The following ARHGEF17 variants were observed in gnomAD, a reference collection of about 807,000 sequenced individuals.
ARHGEF17 encodes the protein 164 kDa Rho-specific guanine-nucleotide exchange factor.
Under a neutral mutation model 174.0 loss-of-function variants are expected in ARHGEF17, and 80 were observed. That is an observed-to-expected ratio of 0.46 (90% CI 0.38 to 0.55). The LOEUF (loss-of-function observed/expected upper bound fraction) is 0.55. Among genes scored for constraint, ARHGEF17 ranks in the 20% least tolerant of loss-of-function variants. The pLI is 0.00. For synonymous variants in ARHGEF17, 1,311 were observed against 1,189.1 expected, an observed-to-expected ratio of 1.10 and a Z score of -2.11; for missense variants, 2,886 against 2,839.7, an observed-to-expected ratio of 1.02 and a Z score of -0.37.
chr11:73,358,903 A>G (rs1227086987), intron 9 of ARHGEF17, among the ~76,000 whole-genome samples: 1 of 151,520 alleles, frequency 6.6e-6, no homozygotes, highest in African/African-American at 2.4e-5. Context: ...CCGGGCACAC[A>G]CTCTTCTTCC....
Position 73,367,502 on chromosome 11 carries a change from GGGGTGT to G in ARHGEF17, c.5996-78_5996-73del, listed in dbSNP as rs1865859712. The G allele has an allele frequency of 3.3e-6, 4 of 1,210,696 alleles. No individual in the cohort carries two copies. In the East Asian group the frequency reaches 7.0e-5, roughly 21 times the overall value. 75.0% of individuals were successfully genotyped at this position (1,210,696 alleles called of 1,614,324 possible). A position where few individuals can be genotyped will look rare whatever the true frequency, so the allele number is the denominator to read the frequency against. On this transcript the variant is annotated intron_variant, in intron 20 of 20. Coordinates refer to ENST00000263674, the MANE Select transcript of ARHGEF17 (RefSeq NM_014786.4). The stretch of plus-strand genomic sequence containing the variant: ...GTGCACATCTTCCTTCCTATCTTCT[GGGGTGT>G]GGGAATTCAGGCCCCGATGGGACAG...
chr11:73,349,338 G>A (rs1865515228), intron 2 of ARHGEF17, among the ~76,000 whole-genome samples: 1 of 152,210 alleles, frequency 6.6e-6, no homozygotes, highest in Non-Finnish European at 1.5e-5. Context: ...AGGTGAGCCA[G>A]GCGCGGAGGC....
At chr11:73,343,521 G>A (rs1865410302) in intron 1 of ARHGEF17, among the ~76,000 whole-genome samples, 1 of 152,174 alleles carries the variant, frequency 6.6e-6, no homozygotes, top group Non-Finnish European at 1.5e-5. Flanking sequence ...AGAAGCTGAG[G>A]CTGTCGCCAG....
chr11:73,343,030 C>G (rs959553240), intron 1 of ARHGEF17: 1 of 270,862 alleles, frequency 3.7e-6, no homozygotes, highest in African/African-American at 2.3e-5. Flanking sequence ...CCGCCGCGGC[C>G]GGGCTGAGCC....
Position 73,365,575 on chromosome 11 carries a change from C to G in ARHGEF17, c.5725+11C>G, listed in dbSNP as rs377296542. On this transcript the variant is annotated intron_variant, in intron 19 of 20. Transcript: ENST00000263674. This position sits in a 1 kb window ranked among gnomAD's most constrained non-coding sequence, Gnocchi z 4.9. ...ACAGGATGCTGGCAGGTACTGACCT[C>G]AAACTACCACAGCACCCTCCTTGGA... 1.2e-6 allele frequency: 2 copies of G among 1,613,688 alleles called. No individual in the cohort carries two copies. Among genetic ancestry groups the G allele is most frequent in the Non-Finnish European group, 1.7e-6 (2 of 1,179,660 alleles).
chr11:73,325,698 G>C (rs1565192102), intron 1 of ARHGEF17, among the ~76,000 whole-genome samples: 1 of 152,252 alleles, frequency 6.6e-6, no homozygotes. Flanking sequence ...GGAGTAGATT[G>C]GGGCAGCCAG....
rs200871068 is a variant in ARHGEF17 at position 73,311,728 on chromosome 11, G to A, written c.3090G>A (p.Leu1030=). 5 of 1,613,130 alleles carry A rather than the reference G, an allele frequency of 3.1e-6. No individual in the cohort carries two copies. In the African/African-American group the frequency reaches 6.7e-5, roughly 22 times the overall value. Residue 1030 remains leucine, a synonymous_variant, in exon 1 of 21, where the codon TTG becomes TTA. Transcript: ENST00000263674. ...CAGTGCCAGTGGACATGCCCTGCTT[G>A]CCTCTGGCTGCACCGCCCTCTGCTG... ...PAPVPVDMPC[L]PLAAPPSAEA...
chr11:73,365,799 G>A lies in ARHGEF17; in HGVS notation c.5847G>A (p.Ser1949=), dbSNP rs751926590. The part of the protein sequence containing the change: ...SAGVVLTMPT[S]PGTVSCPRAP... ...GTGTCGTCCTCACCATGCCCACTTC[G>A]CCCGGTACTGTCAGCTGCCCACGGG... Residue 1949 remains serine (S), a synonymous_variant, in exon 20 of 21, where the codon TCG becomes TCA. Transcript: ENST00000263674. The surrounding 1 kb of genome is among the most constrained non-coding windows in gnomAD (Gnocchi z 4.9). 36 of 1,613,496 alleles carry A rather than the reference G, an allele frequency of 2.2e-5. No individual in the cohort carries two copies. Among genetic ancestry groups the A allele is most frequent in the Middle Eastern group, 3.3e-4 (2 of 6,046 alleles).
chr11:73,353,010 T>C lies in ARHGEF17; in HGVS notation c.3451T>C (p.Ser1151Pro), dbSNP rs1271751101. ...QQKVGALLVQ[S>P]FSKDVLVNIY... The stretch of plus-strand genomic sequence containing the variant: ...GAAGGTGGGAGCCCTGCTCGTCCAG[T>C]CGGTGAGTGGCCCCGCTGCTGCCAA... The change falls in exon 3 of 21, where the codon TCG becomes CCG. Residue 1151 changes from serine (S) to proline (P), a missense_variant and splice_region_variant. Physicochemically the swap from Ser to Pro is moderately conservative, Grantham distance 74 (BLOSUM62 -1). Coordinates refer to ENST00000263674, the MANE Select transcript of ARHGEF17 (RefSeq NM_014786.4). 1.2e-6 allele frequency: 2 copies of C among 1,613,450 alleles called. No homozygotes were observed. The highest frequency in any genetic ancestry group is 8.5e-7 in the Non-Finnish European group (1 of 1,179,806).
intron 1 of ARHGEF17, among the ~76,000 whole-genome samples, chr11:73,329,908 C>A (rs1325600558): frequency 6.6e-6 from 1 of 152,180 alleles, no homozygotes; most frequent in Non-Finnish European, 1.5e-5. Context: ...GGTCTGCCAT[C>A]AGCAGTAGGT....
At chr11:73,312,730 G>A (rs1464831910) in intron 1 of ARHGEF17, among the ~76,000 whole-genome samples, 1 of 151,948 alleles carries the variant, frequency 6.6e-6, no homozygotes, top group Non-Finnish European at 1.5e-5. Context: ...ATGGGTCTGG[G>A]GGGTCGGTTC....
intron 1 of ARHGEF17, among the ~76,000 whole-genome samples, chr11:73,327,517 T>A (rs563259703): frequency 2.0e-5 from 3 of 152,346 alleles, no homozygotes; most frequent in African/African-American, 7.2e-5. Flanking sequence ...CCCCGCTTAG[T>A]AGACCAGCCT....
rs1865789267 is a variant in ARHGEF17, at chr11:73,363,758, A to G, written c.5258A>G (p.Tyr1753Cys). Reference sequence around the variant, plus strand: ...ACCCCGATCCACAGTGTCCACGTGTACCAGTCCTCCGACAGCATCCGTGAC... The same window carrying G: ...ACCCCGATCCACAGTGTCCACGTGTGCCAGTCCTCCGACAGCATCCGTGAC... ...LGTEDGCVHV[Y>C]QSSDSIRDRR... Residue 1753 changes from tyrosine (Y) to cysteine (C), a missense_variant, in exon 16 of 21, where the codon TAC (tyrosine) becomes TGC (cysteine). By Grantham distance (194) the Tyr-to-Cys change is radical. Around this residue, in one of 4 missense-constraint regions of ARHGEF17, gnomAD observed 329 missense variants for 435.2 expected, o/e 0.76. Coordinates refer to ENST00000263674, the MANE Select transcript of ARHGEF17 (RefSeq NM_014786.4). 6.2e-7 allele frequency: 1 copy of G among 1,614,028 alleles called. No homozygotes were observed. Among genetic ancestry groups the G allele is most frequent in the Non-Finnish European group, 8.5e-7 (1 of 1,180,008 alleles).
intron 1 of ARHGEF17, among the ~76,000 whole-genome samples, chr11:73,321,956 G>T (rs545169196): frequency 2.6e-5 from 4 of 152,254 alleles, no homozygotes; most frequent in African/African-American, 4.8e-5. Flanking sequence ...CCCTGCTCCC[G>T]CACAGCGCTG....
intron 1 of ARHGEF17, among the ~76,000 whole-genome samples, chr11:73,344,809 G>T (rs1419847916): frequency 6.6e-6 from 1 of 152,234 alleles, no homozygotes; most frequent in Non-Finnish European, 1.5e-5. Context: ...GGGACCTGTG[G>T]CCCGTGGCTG....
At chr11:73,326,983 C>T (rs139371364) in intron 1 of ARHGEF17, among the ~76,000 whole-genome samples, 1 of 152,338 alleles carries the variant, frequency 6.6e-6, no homozygotes, top group African/African-American at 2.4e-5. Context: ...CCTTCAGTGT[C>T]TCTGCAGGCT....
chr11:73,324,741 CAG>C (rs1442842844), intron 1 of ARHGEF17, among the ~76,000 whole-genome samples: 1 of 152,176 alleles, frequency 6.6e-6, no homozygotes, highest in Non-Finnish European at 1.5e-5. Flanking sequence ...AAGGTGGGCA[CAG>C]AAAGAAAGGG....
intron 1 of ARHGEF17, chr11:73,343,152 A>T (rs1484460211): frequency 8.0e-6 from 3 of 374,292 alleles, no homozygotes; most frequent in Non-Finnish European, 1.4e-5. Context: ...CATGCTGCAG[A>T]TGGTGAAGAC....
chr11:73,317,452 C>T (rs887859662), intron 1 of ARHGEF17, among the ~76,000 whole-genome samples: 1 of 152,244 alleles, frequency 6.6e-6, no homozygotes, highest in Non-Finnish European at 1.5e-5. Flanking sequence ...TCCCAGTGTC[C>T]TGACTCCCAG....
Sources: gnomAD v4.1 joint callset for allele counts (sites outside exome capture counted in the v4.1 genomes callset) on GRCh38, gnomAD v4.1.1 for gene constraint, gnomAD v4.1.1 regional missense constraint, Gnocchi (gnomAD v3.1) non-coding constraint, MANE v1.5 for transcripts, NCBI Gene and HGNC (gene_info 2026-07-23, HGNC 2026-07-21) for gene names.